C1orf94: variants seen among roughly 807,000 people sequenced by gnomAD.
C1orf94 encodes the protein chromosome 1 open reading frame 94, also known as uncharacterized protein C1orf94.
C1orf94 carries 45 observed loss-of-function variants against 53.6 expected under a neutral mutation model. The observed-to-expected ratio is 0.84, with a 90% CI of 0.66 to 1.08. C1orf94 has a LOEUF of 1.08. Ranked by LOEUF, C1orf94 falls within the 50% of genes least tolerant of loss-of-function variation. The pLI is 0.00. For missense variants in C1orf94, 762 were observed against 738.9 expected (o/e 1.03, Z -0.36); for synonymous variants, 304 against 296.1 (o/e 1.03, Z -0.27).
At chr1:34,189,344 A>AGTGTGT (rs142487428) in intron 1 of C1orf94, among the ~76,000 whole-genome samples, 2,109 of 150,458 alleles carry the variant, frequency 0.014, 42 homozygotes, top group African/African-American at 0.048. Flanking sequence ...TATGTGCCCG[A>AGTGTGT]GTGTGTGTGT....
In C1orf94 at chr1:34,202,254, T is replaced by C. The variant is rs778757099; in HGVS notation, c.1441T>C (p.Tyr481His). The C allele has an allele frequency of 1.8e-5, 29 of 1,613,882 alleles. No individual in the cohort carries two copies. In the Admixed American group the frequency reaches 4.3e-4, roughly 24 times the overall value. ...VFTNHSTFLQYQGLYPQQAAR... is the reference protein window; with the variant it reads ...VFTNHSTFLQHQGLYPQQAAR... ...CACGAATCACTCTACCTTCTTGCAG[T>C]ATCAGGTCAGTGAGCTGGCCTGGCT... Residue 481 changes from tyrosine to histidine, a missense_variant, in exon 4 of 7, where the codon TAT (tyrosine) becomes CAT (histidine). By Grantham distance (83) the Tyr-to-His change is moderately conservative. Coordinates refer to ENST00000488417, the MANE Select transcript of C1orf94 (RefSeq NM_001134734.2).
chr1:34,208,071 T>G, intron 4 of C1orf94, 86 bp from the exon 5 acceptor site: 1 of 1,350,104 alleles, frequency 7.4e-7, no homozygotes, highest in Non-Finnish European at 1.0e-6. Context: ...ACAAACTCAG[T>G]CCTGTCTGGG....
At chr1:34,175,202 T>TA (rs201888420), upstream of C1orf94, among the ~76,000 whole-genome samples, 9 of 150,992 alleles carry the variant, frequency 6.0e-5, no homozygotes, top group Non-Finnish European at 1.0e-4. Context: ...TTTTTTTTTT[T>TA]TTTTTTTTGC....
intron 1 of C1orf94, among the ~76,000 whole-genome samples, chr1:34,193,839 A>G (rs1642537200): frequency 6.6e-6 from 1 of 152,236 alleles, no homozygotes; most frequent in Non-Finnish European, 1.5e-5. Flanking sequence ...TCCTGCGGCA[A>G]CCTTTCAAGG....
rs773238507 is a variant in C1orf94 at position 34,197,719 on chromosome 1, A to G, written c.815A>G (p.Asp272Gly). 7.6e-5 allele frequency: 123 copies of G among 1,614,020 alleles called. No homozygotes were observed. The highest frequency in any genetic ancestry group is 9.9e-5 in the Non-Finnish European group (117 of 1,180,030). Residue 272 changes from aspartate (D) to glycine (G), a missense_variant, in exon 2 of 7, where the codon GAC (aspartate) becomes GGC (glycine). Transcript: ENST00000488417. This position sits in a 1 kb window ranked among gnomAD's most constrained non-coding sequence, Gnocchi z 4.1. ...AGGGTCACCAAGGACTTCCTACAGG[A>G]CAACCTGTTCAGTGGCCCTGGACCC... ...KTRVTKDFLQ[D>G]NLFSGPGPKE...
intron 1 of C1orf94, among the ~76,000 whole-genome samples, chr1:34,192,309 T>C (rs529806658): frequency 9.9e-5 from 15 of 152,276 alleles, no homozygotes; most frequent in African/African-American, 1.2e-4. Flanking sequence ...GGGTCTGCCA[T>C]GGGACCGCCT....
chr1:34,176,528 G>A (rs1642228056), upstream of C1orf94, among the ~76,000 whole-genome samples: 2 of 152,096 alleles, frequency 1.3e-5, no homozygotes, highest in Admixed American at 1.3e-4. Flanking sequence ...GGCTAGATCA[G>A]GCCTAGAGTG....
chr1:34,204,701 T>C (rs2050495), intron 4 of C1orf94, among the ~76,000 whole-genome samples: 13,914 of 152,188 alleles, frequency 0.091, 1,330 homozygotes, highest in African/African-American at 0.25. Context: ...ACAAGCCTAC[T>C]AGAGGCTGAG....
chr1:34,195,662 G>T (rs1642566975), intron 1 of C1orf94, among the ~76,000 whole-genome samples: 1 of 152,116 alleles, frequency 6.6e-6, no homozygotes, highest in African/African-American at 2.4e-5. Flanking sequence ...GGCACAATAG[G>T]AAGCCTCTAA....
chr1:34,187,906 A>G (rs1642413322), intron 1 of C1orf94, among the ~76,000 whole-genome samples: 1 of 151,916 alleles, frequency 6.6e-6, no homozygotes, highest in Non-Finnish European at 1.5e-5. Context: ...TATGCCATCT[A>G]AGGCTGTCTC....
chr1:34,212,560 C>T (rs1340698827), intron 6 of C1orf94, among the ~76,000 whole-genome samples, 154 bp downstream of exon 6: 1 of 152,054 alleles, frequency 6.6e-6, no homozygotes. Context: ...TTGTGTGGGT[C>T]CTGGAGGGAC....
chr1:34,184,024 C>G (rs1444164098), intron 1 of C1orf94, among the ~76,000 whole-genome samples: 1 of 152,114 alleles, frequency 6.6e-6, no homozygotes, highest in African/African-American at 2.4e-5. Context: ...GTGCCAGTGC[C>G]ATGGAAGCGC....
rs746665951 is a variant in C1orf94 at position 34,200,766 on chromosome 1, CT to C, written c.1010-5del. On this transcript the variant is annotated splice_polypyrimidine_tract_variant and splice_region_variant and intron_variant, in intron 2 of 6. Coordinates refer to ENST00000488417, the MANE Select transcript of C1orf94 (RefSeq NM_001134734.2). ...AGGCATTGACTCAGTTTCTTTCCTGCTACAGAATGGAGCCCTGGCACCAAGG... is the reference window on the plus strand; with the variant it reads ...AGGCATTGACTCAGTTTCTTTCCTGCACAGAATGGAGCCCTGGCACCAAGG... 1 of 1,613,952 alleles carries C rather than the reference CT, an allele frequency of 6.2e-7. No individual in the cohort carries two copies. Among genetic ancestry groups the C allele is most frequent in the Non-Finnish European group, 8.5e-7 (1 of 1,179,932 alleles).
rs993089007 is a variant in C1orf94, at chr1:34,197,025, C to T, written c.321-200C>T. 3.3e-5 allele frequency among the ~76,000 whole-genome samples: 5 copies of T among 152,200 alleles called. No individual in the cohort carries two copies. The highest frequency in any genetic ancestry group is 1.2e-4 in the African/African-American group (5 of 41,456). On this transcript the variant is annotated intron_variant, in intron 1 of 6. Coordinates refer to ENST00000488417, the MANE Select transcript of C1orf94 (RefSeq NM_001134734.2). The surrounding 1 kb of genome is among the most constrained non-coding windows in gnomAD (Gnocchi z 4.1). ...ATCCAGGTTTCCCCATTTTTCAAAA[C>T]CATGCTCTCAGTGCTGCATCCTACC...
At position 34,197,284 on chromosome 1, in the gene C1orf94, T is replaced by C. The variant is rs1465292315; in HGVS notation, c.380T>C (p.Leu127Pro). The change falls in exon 2 of 7, where the codon CTA (leucine) becomes CCA (proline). Residue 127 changes from leucine (L) to proline (P), a missense_variant. By Grantham distance (98) the Leu-to-Pro change is moderately conservative (BLOSUM62 -3). Coordinates refer to ENST00000488417, the MANE Select transcript of C1orf94 (RefSeq NM_001134734.2). This position sits in a 1 kb window ranked among gnomAD's most constrained non-coding sequence, Gnocchi z 4.1. ...TCCTTGTTGGTGGAACAGGAGTTCC[T>C]AAGCCTCACCAAAGAGCACTCGATC... ...EISLLVEQEF[L>P]SLTKEHSILV... The C allele has an allele frequency of 1.3e-6, 2 of 1,552,514 alleles. No homozygotes were observed. Among genetic ancestry groups the C allele is most frequent in the Non-Finnish European group, 1.7e-6 (2 of 1,147,322 alleles).
At chr1:34,188,957 G>A (rs963256964) in intron 1 of C1orf94, among the ~76,000 whole-genome samples, 3 of 152,160 alleles carry the variant, frequency 2.0e-5, no homozygotes, top group Middle Eastern at 3.2e-3. Flanking sequence ...AGTGAGAGAG[G>A]TAGAATCCAC....
At chr1:34,207,298 TG>T (rs1642816597) in intron 4 of C1orf94, among the ~76,000 whole-genome samples, 1 of 138,006 alleles carries the variant, frequency 7.2e-6, no homozygotes, top group Non-Finnish European at 1.6e-5. Flanking sequence ...TGTGTGTGTG[TG>T]TGTGTCTTAC....
intron 1 of C1orf94, among the ~76,000 whole-genome samples, chr1:34,187,316 C>T (rs1312394252): frequency 6.6e-6 from 1 of 152,140 alleles, no homozygotes; most frequent in Non-Finnish European, 1.5e-5. Flanking sequence ...TTTGATGTGG[C>T]TTCAAGGCTT....
chr1:34,211,179 T>C (rs1642883427), intron 5 of C1orf94, among the ~76,000 whole-genome samples: 1 of 152,146 alleles, frequency 6.6e-6, no homozygotes, highest in Non-Finnish European at 1.5e-5. Flanking sequence ...AATGTAGTGC[T>C]CATTAGGTAA....
Sources: allele counts gnomAD v4.1 joint callset (sites outside exome capture counted in the v4.1 genomes callset), GRCh38; gene constraint gnomAD v4.1.1; non-coding constraint Gnocchi (gnomAD v3.1); transcripts MANE v1.5; gene names NCBI Gene and HGNC (gene_info 2026-07-23, HGNC 2026-07-21).